Variants in FRMD1 observed in about 807,000 individuals in gnomAD.
The protein encoded by FRMD1 is FERM domain containing 1.
Under a neutral mutation model 54.9 loss-of-function variants are expected in FRMD1, and 51 were observed. The observed-to-expected ratio is 0.93, with a 90% CI of 0.74 to 1.17. The LOEUF (loss-of-function observed/expected upper bound fraction) is 1.17. Among genes scored for constraint, FRMD1 ranks in the 50% most tolerant of loss-of-function variants. The pLI is 0.00. For missense variants in FRMD1, 729 were observed against 743.0 expected (o/e 0.98, Z 0.22); for synonymous variants, 324 against 306.4 (o/e 1.06, Z -0.60).
chr6:168,061,980 C>A lies in FRMD1; in HGVS notation c.872G>T (p.Gly291Val), dbSNP rs1471282367. The A allele has an allele frequency of 6.3e-7, 1 of 1,592,234 alleles. No individual in the cohort carries two copies. Among genetic ancestry groups the A allele is most frequent in the African/African-American group, 1.3e-5 (1 of 74,408 alleles). Residue 291 changes from glycine to valine, a missense_variant and splice_region_variant, in exon 8 of 11, where the codon GGA becomes GTA. Physicochemically the swap from Gly to Val is moderately radical, Grantham distance 109 (BLOSUM62 -3). Transcript: ENST00000283309. Reference protein sequence around the residue: ...LALRGVHIYQGKKLEIQLDGL... With the variant: ...LALRGVHIYQVKKLEIQLDGL... ...ATCCAGCTGGATCTCCAGCTTCTTTCCCTGAGCAAACAGGAGAGAAGTTGC... is the reference window on the plus strand; with the variant it reads ...ATCCAGCTGGATCTCCAGCTTCTTTACCTGAGCAAACAGGAGAGAAGTTGC...
upstream of FRMD1, chr6:168,081,523 G>T: frequency 6.6e-7 from 1 of 1,523,934 alleles, no homozygotes; most frequent in East Asian, 2.5e-5. Context: ...TCTTCTTCTG[G>T]ACGGCTGGTT....
At chr6:168,090,643 C>T (rs1006679516) in intron 1 of FRMD1, among the ~76,000 whole-genome samples, 1 of 152,236 alleles carries the variant, frequency 6.6e-6, no homozygotes, top group African/African-American at 2.4e-5. Flanking sequence ...TTGTCTGTTT[C>T]TCCCTGGAAG....
chr6:168,065,950 TTTG>T (rs1800004515), intron 4 of FRMD1: 19 of 1,000,298 alleles, frequency 1.9e-5, no homozygotes, highest in Non-Finnish European at 2.2e-5. Flanking sequence ...GAGGGACGTC[TTTG>T]TTACCCTAGA....
chr6:168,062,234 C>G (rs958043844), intron 7 of FRMD1, among the ~76,000 whole-genome samples: 20 of 152,304 alleles, frequency 1.3e-4, no homozygotes, highest in African/African-American at 4.1e-4. Context: ...TGGGGTGGGA[C>G]AGGAAGACCT....
intron 9 of FRMD1, among the ~76,000 whole-genome samples, chr6:168,060,426 T>G (rs1799661202): frequency 6.6e-6 from 1 of 151,928 alleles, no homozygotes; most frequent in African/African-American, 2.4e-5. Context: ...GCTCCTGAGA[T>G]GGGCTTCCGA....
intron 2 of FRMD1, among the ~76,000 whole-genome samples, chr6:168,072,440 C>T (rs549785381): frequency 9.1e-4 from 139 of 152,336 alleles, no homozygotes; most frequent in African/African-American, 3.2e-3. Context: ...CCACAGCGAC[C>T]CGCCCTGTGC....
chr6:168,067,532 G>T (rs1800105524), intron 2 of FRMD1, 86 bp from the exon 3 acceptor site: 11 of 802,766 alleles, frequency 1.4e-5, no homozygotes, highest in Non-Finnish European at 2.3e-5. Context: ...GTGGCTTGGA[G>T]AGAAGAGATG....
rs1043018255 is a variant in FRMD1, at chr6:168,056,403, G to C, written c.*694C>G. On this transcript the variant is annotated 3_prime_UTR_variant, in exon 11 of 11. Transcript: ENST00000283309. The stretch of plus-strand genomic sequence containing the variant: ...GGTCCTGAGGCCTCATGGCTGAGAT[G>C]GGAGCAGAGTCGGCTTCAGCTCCGG... 2.0e-5 allele frequency: 3 copies of C among 152,434 alleles called. No individual in the cohort carries two copies. The highest frequency in any genetic ancestry group is 4.4e-5 in the Non-Finnish European group (3 of 68,220). 9.4% of individuals were successfully genotyped at this position (152,434 alleles called of 1,614,324 possible). A position where few individuals can be genotyped will look rare whatever the true frequency, so the allele number is the denominator to read the frequency against.
upstream of FRMD1, chr6:168,079,232 G>A: frequency 7.1e-7 from 1 of 1,412,558 alleles, no homozygotes. Context: ...GCCTGGGCTG[G>A]GAATCCAGCA....
At chr6:168,091,008 G>A (rs6940383) in intron 1 of FRMD1, among the ~76,000 whole-genome samples, 51,735 of 151,790 alleles carry the variant, frequency 0.34, 9,758 homozygotes, top group African/African-American at 0.51. Flanking sequence ...CGGACTCCCG[G>A]CTCCGCTCTC....
chr6:168,062,321 TGTGGG>T (rs1265135650), intron 7 of FRMD1, among the ~76,000 whole-genome samples: 1 of 152,216 alleles, frequency 6.6e-6, no homozygotes, highest in African/African-American at 2.4e-5. Context: ...GCACCCGGGC[TGTGGG>T]GTGACCCTGG....
At chr6:168,068,084 T>C (rs1290758445) in intron 2 of FRMD1, among the ~76,000 whole-genome samples, 1 of 152,042 alleles carries the variant, frequency 6.6e-6, no homozygotes, top group African/African-American at 2.4e-5. Flanking sequence ...TGCACTCCAG[T>C]GTGGGTGATA....
At chr6:168,085,852 T>C (rs150333977), upstream of FRMD1, among the ~76,000 whole-genome samples, 286 of 151,222 alleles carry the variant, frequency 1.9e-3, no homozygotes, top group African/African-American at 6.8e-3. Flanking sequence ...CATGGCTCCC[T>C]ATCGCCCAGC....
chr6:168,075,761 C>G (rs1225543833), intron 1 of FRMD1: 2 of 1,550,038 alleles, frequency 1.3e-6, no homozygotes, highest in Non-Finnish European at 8.7e-7. Context: ...CCAACTGATG[C>G]GAGTGATCCC....
At chr6:168,080,278 C>T (rs1183161529), upstream of FRMD1, among the ~76,000 whole-genome samples, 1 of 152,130 alleles carries the variant, frequency 6.6e-6, no homozygotes, top group Non-Finnish European at 1.5e-5. Flanking sequence ...GGCTCCCTCC[C>T]TCCCTCCCTC....
At chr6:168,091,629 C>T (rs2115034698) in intron 1 of FRMD1, among the ~76,000 whole-genome samples, 1 of 152,348 alleles carries the variant, frequency 6.6e-6, no homozygotes, top group African/African-American at 2.4e-5. Context: ...GGCGGGGCCC[C>T]AGCATCTGTG....
Position 168,061,876 on chromosome 6 carries a change from C to G in FRMD1, c.976G>C (p.Ala326Pro), listed in dbSNP as rs186693438. 6 of 1,587,640 alleles carry G rather than the reference C, an allele frequency of 3.8e-6. No individual in the cohort carries two copies. In the African/African-American group the frequency reaches 5.4e-5, roughly 14 times the overall value. ...RSRHLLHLLR[A>P]SHQLHLRVRP... is the part of the protein sequence containing the mutation. ...ACGCGGAGGTGGAGCTGGTGGCTGG[C>G]GCGCAGCAGGTGCAGCAGGTGCCTG... Residue 326 changes from alanine (A) to proline (P), a missense_variant, in exon 8 of 11, where the codon GCC becomes CCC. Transcript: ENST00000283309.
chr6:168,075,970 C>T, intron 1 of FRMD1: 2 of 1,044,064 alleles, frequency 1.9e-6, no homozygotes, highest in Non-Finnish European at 2.8e-6. Flanking sequence ...CCCGTGTCCG[C>T]ATTTCCGGCG....
At chr6:168,075,137 G>C (rs1014780379) in intron 2 of FRMD1, 108 bp downstream of exon 2, 1 of 850,336 alleles carries the variant, frequency 1.2e-6, no homozygotes, top group Non-Finnish European at 2.0e-6. Context: ...ATATGAGAGT[G>C]GTGTATAACT....
Sources: gnomAD v4.1 joint callset for allele counts (sites outside exome capture counted in the v4.1 genomes callset) on GRCh38, gnomAD v4.1.1 for gene constraint, MANE v1.5 for transcripts, NCBI Gene and HGNC (gene_info 2026-07-23, HGNC 2026-07-21) for gene names.